Variants in ERO1B observed in about 807,000 individuals in gnomAD.
ERO1B encodes endoplasmic reticulum oxidoreductase 1 beta.
ERO1B carries 49 observed loss-of-function variants against 75.3 expected under a neutral mutation model. That is an observed-to-expected ratio of 0.65 (90% confidence interval 0.52 to 0.83). The LOEUF (loss-of-function observed/expected upper bound fraction) is 0.83, where lower values mean the gene tolerates loss of function less well. Ranked by LOEUF, ERO1B falls within the 40% of genes least tolerant of loss-of-function variation. The pLI, the probability that ERO1B is intolerant of heterozygous loss-of-function variation, is 0.00. For missense variants in ERO1B, 512 were observed against 560.1 expected (o/e 0.91, Z 0.87); for synonymous variants, 191 against 192.9 (o/e 0.99, Z 0.08).
chr1:236,216,593 T>C lies in ERO1B; in HGVS notation c.*1923A>G, dbSNP rs1300156187. The C allele has an allele frequency of 6.6e-6, 1 of 152,080 alleles. No homozygotes were observed. The highest frequency in any genetic ancestry group is 2.4e-5 in the African/African-American group (1 of 41,438). The allele number at this position is 152,080 out of a possible 1,614,324, so 9.4% of individuals were successfully genotyped here. A position where few individuals can be genotyped will look rare whatever the true frequency, so the allele number is the denominator to read the frequency against. ...AGAACATACTCTAATATACTAGTTT[T>C]CCTAAGCTTGAAACAAATCACAGTA... is the stretch of plus-strand genomic sequence containing the variant. On this transcript the variant is annotated 3_prime_UTR_variant, in exon 16 of 16. Transcript: ENST00000354619.
At chr1:236,275,924 G>A (rs1665700951) in intron 1 of ERO1B, among the ~76,000 whole-genome samples, 1 of 152,182 alleles carries the variant, frequency 6.6e-6, no homozygotes, top group South Asian at 2.1e-4. Flanking sequence ...AGGATAGAAT[G>A]TTTCTCTTTT....
At chr1:236,259,680 A>T (rs1665248992) in intron 2 of ERO1B, among the ~76,000 whole-genome samples, 1 of 146,214 alleles carries the variant, frequency 6.8e-6, no homozygotes, top group South Asian at 2.1e-4. Context: ...ATTTATCAAG[A>T]AGTTACAAAA....
At chr1:236,252,356 G>GT (rs1665050671) in intron 3 of ERO1B, among the ~76,000 whole-genome samples, 1 of 152,134 alleles carries the variant, frequency 6.6e-6, no homozygotes, top group Non-Finnish European at 1.5e-5. Context: ...AACTATTGCA[G>GT]TATTTTTTAT....
chr1:236,256,854 C>A lies in ERO1B; in HGVS notation c.223-3349G>T, dbSNP rs1204255980. Among the ~76,000 whole-genome samples, 3 of 152,158 alleles carry A rather than the reference C, an allele frequency of 2.0e-5. No individual in the cohort carries two copies. The East Asian group carries it at 5.8e-4, about 29-fold the overall frequency. On this transcript the variant is annotated intron_variant, in intron 2 of 15. Coordinates refer to ENST00000354619, the MANE Select transcript of ERO1B (RefSeq NM_019891.4). ...CTACACTCCTGAGTCTCCTAGACCA[C>A]AGAGAACAAACAGGTGACTTTTAAA...
At chr1:236,261,676 T>C (rs578024589) in intron 2 of ERO1B, among the ~76,000 whole-genome samples, 3 of 152,340 alleles carry the variant, frequency 2.0e-5, no homozygotes, top group Admixed American at 6.5e-5. Context: ...TATTCACTGA[T>C]TGGAAGAATT....
chr1:236,278,338 G>A (rs1049945407), intron 1 of ERO1B, among the ~76,000 whole-genome samples: 4 of 151,510 alleles, frequency 2.6e-5, no homozygotes, highest in African/African-American at 7.3e-5. Context: ...TTCATTTCTC[G>A]TTTACCCTTA....
Position 236,217,006 on chromosome 1 carries a change from A to G in ERO1B, c.*1510T>C, listed in dbSNP as rs918144808. 20 of 152,062 alleles carry G rather than the reference A, an allele frequency of 1.3e-4. No homozygotes were observed. Among genetic ancestry groups the G allele is most frequent in the African/African-American group, 4.8e-4 (20 of 41,430 alleles). The allele number at this position is 152,062 out of a possible 1,614,324, so 9.4% of individuals were successfully genotyped here. A position where few individuals can be genotyped will look rare whatever the true frequency, so the allele number is the denominator to read the frequency against. On this transcript the variant is annotated 3_prime_UTR_variant, in exon 16 of 16. Coordinates refer to ENST00000354619, the MANE Select transcript of ERO1B (RefSeq NM_019891.4). ...ATAAAGGTTTGAAATTAGGTGAGAAAATAAATAACTCTGAGACCTTAATAC... is the reference window on the plus strand; with the variant it reads ...ATAAAGGTTTGAAATTAGGTGAGAAGATAAATAACTCTGAGACCTTAATAC...
chr1:236,252,653 T>C (rs1484154894), intron 3 of ERO1B, among the ~76,000 whole-genome samples: 3 of 152,214 alleles, frequency 2.0e-5, no homozygotes, highest in African/African-American at 7.2e-5. Context: ...TAGGCTTTAA[T>C]AAATGTATCT....
intron 2 of ERO1B, among the ~76,000 whole-genome samples, chr1:236,262,391 T>C (rs944818782): frequency 1.3e-5 from 2 of 152,144 alleles, no homozygotes; most frequent in African/African-American, 4.8e-5. Flanking sequence ...TGAAATGGCA[T>C]CTTTTCAGTC....
intron 13 of ERO1B, among the ~76,000 whole-genome samples, chr1:236,223,020 T>C (rs930471703): frequency 1.3e-5 from 2 of 152,020 alleles, no homozygotes; most frequent in African/African-American, 2.4e-5. Context: ...CTAAACAACA[T>C]AGTGAAACCT....
chr1:236,269,680 T>C (rs1425487971), intron 2 of ERO1B, among the ~76,000 whole-genome samples, 195 bp downstream of exon 2: 1 of 152,032 alleles, frequency 6.6e-6, no homozygotes, highest in Non-Finnish European at 1.5e-5. Flanking sequence ...AATGAGGAAC[T>C]CCCCATACAA....
intron 2 of ERO1B, among the ~76,000 whole-genome samples, chr1:236,263,500 T>A (rs1471591005): frequency 2.0e-5 from 3 of 152,082 alleles, no homozygotes; most frequent in African/African-American, 7.2e-5. Flanking sequence ...TGCACCCACC[T>A]CAGCTCCCAA....
intron 4 of ERO1B, 66 bp from the exon 5 acceptor site, chr1:236,250,033 A>G (rs41305570): frequency 2.1e-5 from 22 of 1,048,820 alleles, no homozygotes; most frequent in Non-Finnish European, 3.1e-5. Context: ...TTCTATTGGC[A>G]GAATAATCAA....
intron 4 of ERO1B, among the ~76,000 whole-genome samples, chr1:236,250,423 G>C (rs1664988067): frequency 6.6e-6 from 1 of 151,750 alleles, no homozygotes; most frequent in Non-Finnish European, 1.5e-5. Context: ...AGTGAGCTGA[G>C]ATCACGCCAC....
At chr1:236,235,433 T>A (rs952403552) in intron 8 of ERO1B, among the ~76,000 whole-genome samples, 1 of 152,210 alleles carries the variant, frequency 6.6e-6, no homozygotes, top group African/African-American at 2.4e-5. Context: ...TGCCTGGTGT[T>A]CTCATTCCAA....
Position 236,270,006 on chromosome 1 carries a change from A to G in ERO1B, c.103-12T>C, listed in dbSNP as rs772377354. The G allele has an allele frequency of 1.3e-6, 2 of 1,541,324 alleles. No individual in the cohort carries two copies. The highest frequency in any genetic ancestry group is 2.8e-5 in the African/African-American group (2 of 71,990). On this transcript the variant is annotated splice_polypyrimidine_tract_variant and intron_variant, in intron 1 of 15. Coordinates refer to ENST00000354619, the MANE Select transcript of ERO1B (RefSeq NM_019891.4). The stretch of plus-strand genomic sequence containing the variant: ...AGAACTCCAGTGACCTAGAATTTAT[A>G]TAATTTAAAATATGTAAACTACTGA...
rs189362793 is a variant in ERO1B, at chr1:236,220,518, A to T, written c.1343+314T>A. The T allele has an allele frequency of 4.2e-3, 759 of 179,068 alleles. 5 individuals are homozygous for T. Among genetic ancestry groups the T allele is most frequent in the Middle Eastern group, 0.015 (7 of 452 alleles). 11.1% of individuals were successfully genotyped at this position (179,068 alleles called of 1,614,324 possible). On this transcript the variant is annotated intron_variant, in intron 15 of 15. Transcript: ENST00000354619. The stretch of plus-strand genomic sequence containing the variant: ...TTTAATTTTCTTTTATCACCTTCTC[A>T]ATCACACATTCCTTACTCCTGCTAT...
At chr1:236,274,752 AAAGAC>A (rs1192013847) in intron 1 of ERO1B, among the ~76,000 whole-genome samples, 5 of 137,708 alleles carry the variant, frequency 3.6e-5, no homozygotes, top group African/African-American at 2.4e-5. Context: ...AAGAAAAAAA[AAAGAC>A]AGACAAAAAT....
At position 236,225,054 on chromosome 1, in the gene ERO1B, A is replaced by G. The variant is rs776968735; in HGVS notation, c.1122+16T>C. On this transcript the variant is annotated intron_variant, in intron 13 of 15. Transcript: ENST00000354619. Reference sequence around the variant, plus strand: ...AAACTGCTCCCAACCCCGTGTCCCAATCGAGAACTTTTTACCTTTAGTGAC... The same window carrying G: ...AAACTGCTCCCAACCCCGTGTCCCAGTCGAGAACTTTTTACCTTTAGTGAC... 47 of 1,612,800 alleles carry G rather than the reference A, an allele frequency of 2.9e-5. No individual in the cohort carries two copies. The Admixed American group carries it at 3.5e-4, about 12-fold the overall frequency.
Sources: gnomAD v4.1 joint callset for allele counts (sites outside exome capture counted in the v4.1 genomes callset) on GRCh38, gnomAD v4.1.1 for gene constraint, MANE v1.5 for transcripts, NCBI Gene and HGNC (gene_info 2026-07-23, HGNC 2026-07-21) for gene names.